The following AVL9 variants were observed in gnomAD, a reference collection of about 807,000 sequenced individuals.
The protein encoded by AVL9 is late secretory pathway protein AVL9 homolog.
Under a neutral mutation model 79.2 loss-of-function variants are expected in AVL9, and 49 were observed. That is an observed-to-expected ratio of 0.62 (90% CI 0.49 to 0.79). AVL9 has a LOEUF of 0.79. Ranked by LOEUF, AVL9 falls within the 30% of genes least tolerant of loss-of-function variation. The pLI, the probability that AVL9 is intolerant of heterozygous loss-of-function variation, is 0.00. For synonymous variants in AVL9, 299 were observed against 280.6 expected (o/e 1.07, Z -0.65); for missense variants, 682 against 776.8 (o/e 0.88, Z 1.45).
In AVL9 at chr7:32,570,205, CTTTCT is replaced by C. The variant is rs944281789; in HGVS notation, c.1350+53_1350+57del. On this transcript the variant is annotated intron_variant, in intron 11 of 15. Transcript: ENST00000318709. Reference sequence around the variant, plus strand: ...TTTGGCCCTGCTCATCCCAGTTTTCCTTTCTTAACTACAATTATGAATACATAGTA... The same window carrying C: ...TTTGGCCCTGCTCATCCCAGTTTTCCTAACTACAATTATGAATACATAGTA... 24 of 1,605,946 alleles carry C rather than the reference CTTTCT, an allele frequency of 1.5e-5. No homozygotes were observed. In the South Asian group the frequency reaches 1.9e-4, roughly 13 times the overall value.
intron 10 of AVL9, 23 bp downstream of exon 10, chr7:32,559,487 G>T: frequency 6.7e-7 from 1 of 1,495,788 alleles, no homozygotes; most frequent in Non-Finnish European, 8.9e-7. Context: ...ATTTTTTATC[G>T]AATTCCTTAA....
rs57046702 is a variant in AVL9, at chr7:32,546,069, CT to C, written c.300+1304del. On this transcript the variant is annotated intron_variant, in intron 3 of 15. Coordinates refer to ENST00000318709, the MANE Select transcript of AVL9 (RefSeq NM_015060.3). ...ATTTTTAACTAGAATTACCTGGAGA[CT>C]TTTTTTTTTTTTTAAATATCTGTAC... Among the ~76,000 whole-genome samples the C allele has an allele frequency of 1.7e-3, 168 of 98,958 alleles. 1 individual carries two copies. Among genetic ancestry groups the C allele is most frequent in the Non-Finnish European group, 2.2e-3 (105 of 48,784 alleles). The allele number at this position is 98,958 out of a possible 152,430, so 64.9% of individuals were successfully genotyped here.
intron 3 of AVL9, among the ~76,000 whole-genome samples, chr7:32,548,144 C>CTCTTTTTT (rs1227025763): frequency 1.0e-4 from 6 of 57,598 alleles, no homozygotes; most frequent in African/African-American, 2.7e-4. Context: ...TTTGTCATCT[C>CTCTTTTTT]TTTTTTCTTT....
In AVL9 at chr7:32,511,318, G is replaced by C. The variant is rs574237436; in HGVS notation, c.93+15516G>C. 3.4e-5 allele frequency among the ~76,000 whole-genome samples: 5 copies of C among 147,996 alleles called. No individual in the cohort carries two copies. In the East Asian group the frequency reaches 8.3e-4, roughly 25 times the overall value. On this transcript the variant is annotated intron_variant, in intron 1 of 15. Transcript: ENST00000318709. ...CTCCCCAGGGTAAGATTTGTGAGCC[G>C]TCAGGTCTGCTTGTGGGAATCCACA...
chr7:32,548,948 T>G, intron 4 of AVL9, 30 bp downstream of exon 4: 1 of 1,446,648 alleles, frequency 6.9e-7, no homozygotes, highest in Non-Finnish European at 9.3e-7. Flanking sequence ...GTTCATTATG[T>G]TAAACCTTCA....
At chr7:32,571,461 G>C (rs564040055) in intron 11 of AVL9, among the ~76,000 whole-genome samples, 1 of 152,090 alleles carries the variant, frequency 6.6e-6, no homozygotes, top group African/African-American at 2.4e-5. Flanking sequence ...CCGGGTGGTA[G>C]AGGTTGCAGG....
intron 1 of AVL9, among the ~76,000 whole-genome samples, chr7:32,521,160 T>C (rs926507017): frequency 6.6e-6 from 1 of 152,190 alleles, no homozygotes; most frequent in African/African-American, 2.4e-5. Flanking sequence ...AACAGACTAA[T>C]ACAGTAAACT....
At chr7:32,551,803 T>C (rs6970905) in intron 5 of AVL9, among the ~76,000 whole-genome samples, 1,695 of 152,138 alleles carry the variant, frequency 0.011, 23 homozygotes, top group African/African-American at 0.038. Context: ...AAAAACCACA[T>C]GATTATTTTA....
At position 32,570,016 on chromosome 7, in the gene AVL9, A is replaced by G; in HGVS notation, c.1216-4A>G. On this transcript the variant is annotated splice_region_variant and splice_polypyrimidine_tract_variant and intron_variant, in intron 10 of 15. Coordinates refer to ENST00000318709, the MANE Select transcript of AVL9 (RefSeq NM_015060.3). ...ATATTTTCTATTACTCTTCTAATTC[A>G]TAGGGATATCTGTGTTTGCCTTACA... 9 of 1,614,150 alleles carry G rather than the reference A, an allele frequency of 5.6e-6. No homozygotes were observed. The highest frequency in any genetic ancestry group is 7.6e-6 in the Non-Finnish European group (9 of 1,179,970).
chr7:32,532,019 C>T (rs770177498), intron 1 of AVL9: 1 of 152,222 alleles, frequency 6.6e-6, no homozygotes, highest in Non-Finnish European at 1.5e-5. Context: ...AGCTCTTGTC[C>T]AGCGTCCAGG....
chr7:32,515,455 A>G (rs967722555), intron 1 of AVL9, among the ~76,000 whole-genome samples: 1 of 152,208 alleles, frequency 6.6e-6, no homozygotes, highest in Non-Finnish European at 1.5e-5. Flanking sequence ...TCCAAAGTGT[A>G]TTTTGCTGTA....
At chr7:32,545,112 T>C (rs1228536307) in intron 3 of AVL9, among the ~76,000 whole-genome samples, 6 of 146,076 alleles carry the variant, frequency 4.1e-5, no homozygotes, top group East Asian at 2.0e-4. Flanking sequence ...CTTAGAAAAA[T>C]TGAGTGGTAA....
At chr7:32,573,873 G>A (rs1283380546) in intron 12 of AVL9, among the ~76,000 whole-genome samples, 1 of 152,094 alleles carries the variant, frequency 6.6e-6, no homozygotes, top group Admixed American at 6.6e-5. Context: ...TGTTGTAAAT[G>A]ATTAAATCTT....
At chr7:32,582,141 C>T (rs1276516852) in intron 15 of AVL9, among the ~76,000 whole-genome samples, 1 of 152,156 alleles carries the variant, frequency 6.6e-6, no homozygotes, top group Non-Finnish European at 1.5e-5. Context: ...TAGTTTCAAA[C>T]CTGAACATTG....
At chr7:32,569,624 T>C (rs532473323) in intron 10 of AVL9, among the ~76,000 whole-genome samples, 8 of 152,332 alleles carry the variant, frequency 5.3e-5, no homozygotes, top group Middle Eastern at 3.4e-3. Flanking sequence ...TGCAGATGCA[T>C]GTATTTTAAA....
intron 10 of AVL9, among the ~76,000 whole-genome samples, chr7:32,560,781 G>A (rs1010981070): frequency 6.6e-6 from 1 of 152,174 alleles, no homozygotes; most frequent in African/African-American, 2.4e-5. Context: ...ATAGCCTTAT[G>A]AAATGTGTTT....
intron 10 of AVL9, among the ~76,000 whole-genome samples, chr7:32,567,711 TTTA>T (rs1790646674): frequency 6.6e-6 from 1 of 151,442 alleles, no homozygotes; most frequent in African/African-American, 2.4e-5. Context: ...TTTATTTTTA[TTTA>T]TTTATTTATT....
chr7:32,498,761 AAAGTT>A (rs1303745584), intron 1 of AVL9, among the ~76,000 whole-genome samples: 1 of 151,818 alleles, frequency 6.6e-6, no homozygotes, highest in Non-Finnish European at 1.5e-5. Context: ...CATAACATTT[AAAGTT>A]GTTTCAAAAT....
chr7:32,553,145 T>C (rs1173440315), intron 6 of AVL9, among the ~76,000 whole-genome samples: 1 of 152,198 alleles, frequency 6.6e-6, no homozygotes, highest in Non-Finnish European at 1.5e-5. Context: ...CTGCATAATA[T>C]GAGGTCCTAT....
Sources: allele counts gnomAD v4.1 joint callset (sites outside exome capture counted in the v4.1 genomes callset), GRCh38; gene constraint gnomAD v4.1.1; transcripts MANE v1.5; gene names NCBI Gene and HGNC (gene_info 2026-07-23, HGNC 2026-07-21).